The following CDH13 variants were observed in gnomAD, a reference collection of about 807,000 sequenced individuals.
CDH13 encodes the protein cadherin-13.
CDH13 carries 24 observed loss-of-function variants against 63.8 expected under a neutral mutation model. The ratio of observed to expected loss-of-function variants is 0.38; its 90% CI spans 0.27 to 0.53. CDH13 has a LOEUF of 0.53. Among genes scored for constraint, CDH13 ranks in the 20% least tolerant of loss-of-function variants. The pLI is 0.85. For synonymous variants in CDH13, 503 were observed against 355.3 expected (o/e 1.42, Z -4.67); for missense variants, 1,049 against 903.1 (o/e 1.16, Z -2.07).
At chr16:83,399,389 AAGAT>A (rs2091933930) in intron 6 of CDH13, among the ~76,000 whole-genome samples, 1 of 152,222 alleles carries the variant, frequency 6.6e-6, no homozygotes, top group Non-Finnish European at 1.5e-5. Context: ...CTGTGTACTA[AAGAT>A]AGATCTTAAG....
At chr16:83,215,748 C>T (rs945203685) in intron 4 of CDH13, among the ~76,000 whole-genome samples, 1 of 152,296 alleles carries the variant, frequency 6.6e-6, no homozygotes, top group South Asian at 2.1e-4. Context: ...TATGTGTCAA[C>T]AGGTGCCTGT....
intron 5 of CDH13, among the ~76,000 whole-genome samples, chr16:83,226,455 C>T (rs571448211): frequency 1.6e-3 from 237 of 152,302 alleles, no homozygotes; most frequent in African/African-American, 5.4e-3. Flanking sequence ...CCCCACATTC[C>T]TTAATTTTCT....
intron 4 of CDH13, among the ~76,000 whole-genome samples, chr16:83,136,800 A>T (rs2036309799): frequency 6.6e-6 from 1 of 152,164 alleles, no homozygotes; most frequent in African/African-American, 2.4e-5. Context: ...AGGTTCCCAG[A>T]TTCGTAGGAG....
At chr16:83,176,347 T>C (rs2038122296) in intron 4 of CDH13, among the ~76,000 whole-genome samples, 1 of 151,316 alleles carries the variant, frequency 6.6e-6, no homozygotes, top group African/African-American at 2.4e-5. Context: ...CTGTCTCTTC[T>C]AAAAATACAA....
chr16:82,951,080 T>A (rs1349152481), intron 2 of CDH13, among the ~76,000 whole-genome samples: 4 of 152,166 alleles, frequency 2.6e-5, no homozygotes, highest in Admixed American at 1.3e-4. Flanking sequence ...CTTGGCTCAA[T>A]CTTCAATGGC....
At chr16:83,151,853 T>A (rs993140632) in intron 4 of CDH13, among the ~76,000 whole-genome samples, 3 of 151,916 alleles carry the variant, frequency 2.0e-5, no homozygotes, top group Non-Finnish European at 4.4e-5. Flanking sequence ...TCCCAGCTAC[T>A]CAGGAGGCTG....
intron 7 of CDH13, among the ~76,000 whole-genome samples, chr16:83,593,672 C>G (rs1906977511): frequency 6.6e-6 from 1 of 151,828 alleles, no homozygotes; most frequent in Non-Finnish European, 1.5e-5. Context: ...AATATGTAAT[C>G]ATATTTATGT....
rs560455850 is a variant in CDH13, at chr16:82,692,316, A to G, written c.45+65179A>G. On this transcript the variant is annotated intron_variant, in intron 1 of 13. Transcript: ENST00000567109. ...TTCTCACCCTGCTTAGTAAAGACAT[A>G]CCCGAGGCTGGGAAATTTATAAAGG... Among the ~76,000 whole-genome samples the G allele has an allele frequency of 7.2e-4, 110 of 152,304 alleles. 2 individuals are homozygous for G. The Middle Eastern group carries it at 0.01, about 14-fold the overall frequency.
At chr16:83,196,860 C>G (rs373097557) in intron 4 of CDH13, among the ~76,000 whole-genome samples, 1 of 152,278 alleles carries the variant, frequency 6.6e-6, no homozygotes, top group African/African-American at 2.4e-5. Flanking sequence ...AGTGGTACAG[C>G]CAGTCAAGAA....
At chr16:83,369,245 C>T (rs950664552) in intron 6 of CDH13, among the ~76,000 whole-genome samples, 1 of 151,778 alleles carries the variant, frequency 6.6e-6, no homozygotes, top group Admixed American at 6.6e-5. Context: ...ACTTTTTACA[C>T]TGTTGGTGGG....
chr16:83,484,414 T>C (rs1047488853), intron 6 of CDH13, among the ~76,000 whole-genome samples: 1 of 152,232 alleles, frequency 6.6e-6, no homozygotes, highest in Non-Finnish European at 1.5e-5. Flanking sequence ...GGCCTTATAT[T>C]TGTAGAAGAC....
chr16:83,445,913 C>G (rs753661239), intron 6 of CDH13, among the ~76,000 whole-genome samples: 23 of 152,120 alleles, frequency 1.5e-4, no homozygotes, highest in Non-Finnish European at 3.2e-4. Context: ...GTTCAGAGAT[C>G]TTTGTGCCTC....
intron 7 of CDH13, among the ~76,000 whole-genome samples, chr16:83,535,331 C>T (rs2075162619): frequency 6.6e-6 from 1 of 152,150 alleles, no homozygotes; most frequent in Admixed American, 6.5e-5. Context: ...ACTAAAGAAT[C>T]TCAAAAAAAG....
chr16:82,800,785 G>T (rs1597628573), intron 1 of CDH13, among the ~76,000 whole-genome samples: 1 of 152,182 alleles, frequency 6.6e-6, no homozygotes, highest in Non-Finnish European at 1.5e-5. Context: ...ATTAAAATTT[G>T]TTCTGGTATT....
At chr16:82,808,065 A>G (rs2037243697) in intron 1 of CDH13, among the ~76,000 whole-genome samples, 2 of 152,130 alleles carry the variant, frequency 1.3e-5, no homozygotes, top group African/African-American at 2.4e-5. Context: ...GAGTGTAGTC[A>G]GAAGTCCCAG....
At chr16:82,851,698 T>C (rs1597799927) in intron 1 of CDH13, among the ~76,000 whole-genome samples, 1 of 136,402 alleles carries the variant, frequency 7.3e-6, no homozygotes, top group East Asian at 2.3e-4. Context: ...TGTGTGTGTG[T>C]GTGCATGCAC....
intron 3 of CDH13, among the ~76,000 whole-genome samples, chr16:83,074,042 T>C (rs1024330358): frequency 6.6e-5 from 10 of 152,186 alleles, no homozygotes; most frequent in Admixed American, 2.0e-4. Flanking sequence ...AATACATTGG[T>C]GTGAGCTGTA....
intron 1 of CDH13, among the ~76,000 whole-genome samples, chr16:82,817,105 A>G (rs1198872856): frequency 6.6e-6 from 1 of 152,134 alleles, no homozygotes; most frequent in Non-Finnish European, 1.5e-5. Flanking sequence ...TCCAACACAG[A>G]GAACCCTGAA....
chr16:83,713,617 T>C (rs903954576), intron 10 of CDH13, among the ~76,000 whole-genome samples: 1 of 152,120 alleles, frequency 6.6e-6, no homozygotes, highest in South Asian at 2.1e-4. Context: ...CTCTTTTAGT[T>C]AAAAAGGAAA....
Sources: gnomAD v4.1 joint callset for allele counts (sites outside exome capture counted in the v4.1 genomes callset) on GRCh38, gnomAD v4.1.1 for gene constraint, MANE v1.5 for transcripts, NCBI Gene and HGNC (gene_info 2026-07-23, HGNC 2026-07-21) for gene names.